The following VDAC1 variants were observed in gnomAD, a reference collection of about 807,000 sequenced individuals.
The protein encoded by VDAC1 is non-selective voltage-gated ion channel VDAC1.
In VDAC1, 10 loss-of-function variants were observed where a neutral mutation model predicts 34.7. That is an observed-to-expected ratio of 0.29 (90% CI 0.18 to 0.49). The LOEUF (loss-of-function observed/expected upper bound fraction) is 0.49, where lower values mean the gene tolerates loss of function less well. Among genes scored for constraint, VDAC1 ranks in the 20% least tolerant of loss-of-function variants. The pLI is 0.99. For missense variants in VDAC1, 230 were observed against 347.9 expected, an observed-to-expected ratio of 0.66 and a Z score of 2.69; for synonymous variants, 130 against 136.0, an observed-to-expected ratio of 0.96 and a Z score of 0.30.
the VDAC1 span, among the ~76,000 whole-genome samples, chr5:134,020,656 G>T: frequency 2.4e-4 from 4 of 16,684 alleles, no homozygotes; most frequent in East Asian, 3.6e-3. Context: ...CTTCTTTTTT[G>T]TTTGTTTGTT....
the VDAC1 span, among the ~76,000 whole-genome samples, chr5:134,024,399 G>T: frequency 2.0e-5 from 3 of 151,096 alleles, no homozygotes; most frequent in Non-Finnish European, 3.0e-5. Flanking sequence ...TGTGGTGGTG[G>T]GCACCTGTAG....
chr5:134,034,505 C>G, the VDAC1 span, among the ~76,000 whole-genome samples: 1 of 152,024 alleles, frequency 6.6e-6, no homozygotes, highest in African/African-American at 2.4e-5. Context: ...TCCACTAGCC[C>G]GGGAAGCCCA....
intron 6 of VDAC1, among the ~76,000 whole-genome samples, chr5:133,976,939 G>A (rs559217133): frequency 6.6e-6 from 1 of 152,196 alleles, no homozygotes; most frequent in African/African-American, 2.4e-5. Context: ...AGCAACCTGG[G>A]GGGGTGAGGC....
At chr5:134,079,727 C>A in the VDAC1 span, among the ~76,000 whole-genome samples, 22 of 152,298 alleles carry the variant, frequency 1.4e-4, no homozygotes, top group East Asian at 4.2e-3. Context: ...AAGCCCCAGG[C>A]CTTCCCAGGT....
chr5:134,030,600 C>T, the VDAC1 span, among the ~76,000 whole-genome samples: 136 of 109,962 alleles, frequency 1.2e-3, 1 homozygote, highest in Admixed American at 2.1e-3. Context: ...TTCTTTCTTT[C>T]TTTCTTTTTT....
intron 5 of VDAC1, among the ~76,000 whole-genome samples, chr5:133,986,854 C>G (rs1399436425): frequency 6.6e-6 from 1 of 152,126 alleles, no homozygotes. Context: ...TGTCAAAAAG[C>G]ACACAGAGTG....
At chr5:134,023,035 T>C in the VDAC1 span, among the ~76,000 whole-genome samples, 1 of 152,212 alleles carries the variant, frequency 6.6e-6, no homozygotes, top group Non-Finnish European at 1.5e-5. Flanking sequence ...ATATGTTTAC[T>C]GCAGCACTAT....
the VDAC1 span, among the ~76,000 whole-genome samples, chr5:134,028,014 G>A: frequency 6.6e-6 from 1 of 151,782 alleles, no homozygotes; most frequent in Admixed American, 6.6e-5. Flanking sequence ...CAGGTGATCT[G>A]CCTGCCTTGG....
At chr5:134,095,567 A>T in the VDAC1 span, among the ~76,000 whole-genome samples, 1 of 152,170 alleles carries the variant, frequency 6.6e-6, no homozygotes, top group Non-Finnish European at 1.5e-5. Context: ...GATGTAATCT[A>T]ACTTTTTCTC....
At chr5:134,087,821 A>G in the VDAC1 span, among the ~76,000 whole-genome samples, 1 of 148,810 alleles carries the variant, frequency 6.7e-6, no homozygotes, top group Non-Finnish European at 1.5e-5. Context: ...GCGCCACTGC[A>G]CTCCAGTCTG....
the VDAC1 span, among the ~76,000 whole-genome samples, chr5:134,018,767 G>C: frequency 2.0e-5 from 3 of 152,176 alleles, no homozygotes; most frequent in African/African-American, 7.2e-5. Context: ...TGTGATTCAG[G>C]GTGAGGACTT....
At chr5:134,104,984 T>C in the VDAC1 span, among the ~76,000 whole-genome samples, 1 of 152,316 alleles carries the variant, frequency 6.6e-6, no homozygotes, top group Middle Eastern at 3.4e-3. Context: ...TCCCTGCAAG[T>C]GAGGCGGCAC....
the VDAC1 span, among the ~76,000 whole-genome samples, chr5:134,078,276 C>A: frequency 6.6e-6 from 1 of 152,130 alleles, no homozygotes; most frequent in African/African-American, 2.4e-5. Flanking sequence ...AGGAGGGAGA[C>A]CCACTCCAGC....
the VDAC1 span, among the ~76,000 whole-genome samples, chr5:134,054,517 G>T: frequency 7.5e-6 from 1 of 132,740 alleles, no homozygotes; most frequent in Non-Finnish European, 1.5e-5. Flanking sequence ...CTGGAGTGCA[G>T]TGGTGCCATC....
the VDAC1 span, among the ~76,000 whole-genome samples, chr5:134,113,828 CAG>C: frequency 6.6e-6 from 1 of 152,236 alleles, no homozygotes; most frequent in Admixed American, 6.5e-5. Flanking sequence ...GGGTCAACTT[CAG>C]AGTCATGGGC....
chr5:134,032,267 GAC>G, the VDAC1 span, among the ~76,000 whole-genome samples: 1 of 152,090 alleles, frequency 6.6e-6, no homozygotes, highest in African/African-American at 2.4e-5. Flanking sequence ...GACAAACCCT[GAC>G]AAACCTTGGT....
In VDAC1 at chr5:133,972,735, A is replaced by T. The variant is rs1752344813; in HGVS notation, c.*36T>A. 2 of 1,303,148 alleles carry T rather than the reference A, an allele frequency of 1.5e-6. No individual in the cohort carries two copies. The highest frequency in any genetic ancestry group is 2.2e-6 in the Non-Finnish European group (2 of 910,896). 80.7% of individuals were successfully genotyped at this position (1,303,148 alleles called of 1,614,324 possible). ...AAATTCTGAAGGTAGCTATGCTGCAAAATAGTTTAAAATTAAACAATTGTA... is the reference window on the plus strand; with the variant it reads ...AAATTCTGAAGGTAGCTATGCTGCATAATAGTTTAAAATTAAACAATTGTA... On this transcript the variant is annotated 3_prime_UTR_variant, in exon 9 of 9. Transcript: ENST00000265333.
chr5:134,001,923 C>T (rs1753573925), intron 1 of VDAC1, among the ~76,000 whole-genome samples: 1 of 151,996 alleles, frequency 6.6e-6, no homozygotes, highest in Non-Finnish European at 1.5e-5. Flanking sequence ...GAAATGCGCC[C>T]AGACCCAGCT....
At chr5:134,031,926 C>T in the VDAC1 span, among the ~76,000 whole-genome samples, 4 of 135,464 alleles carry the variant, frequency 3.0e-5, no homozygotes, top group African/African-American at 8.4e-5. Context: ...ACTCCAGCCT[C>T]GGTGACAGAG....
Sources: gnomAD v4.1 joint callset for allele counts (sites outside exome capture counted in the v4.1 genomes callset) on GRCh38, gnomAD v4.1.1 for gene constraint, MANE v1.5 for transcripts, NCBI Gene and HGNC (gene_info 2026-07-23, HGNC 2026-07-21) for gene names.